EIF4EBP2: variants seen among roughly 807,000 people sequenced by gnomAD.
EIF4EBP2 encodes the protein eukaryotic translation initiation factor 4E binding protein 2, also known as eukaryotic translation initiation factor 4E-binding protein 2.
Under a neutral mutation model 10.3 loss-of-function variants are expected in EIF4EBP2, and 5 were observed. That is an observed-to-expected ratio of 0.48 (90% CI 0.25 to 1.02). The LOEUF (loss-of-function observed/expected upper bound fraction) is 1.02. Ranked by LOEUF, EIF4EBP2 falls within the 50% of genes least tolerant of loss-of-function variation. EIF4EBP2 has a pLI of 0.15. For missense variants in EIF4EBP2, 188 were observed against 162.2 expected (o/e 1.16, Z -0.86); for synonymous variants, 67 against 61.1 (o/e 1.10, Z -0.45).
rs1247415667 is a variant in EIF4EBP2 at position 70,428,483 on chromosome 10, G to C, written c.*6736G>C. On this transcript the variant is annotated 3_prime_UTR_variant, in exon 3 of 3. Transcript: ENST00000373218. ...ACCACGCAGTCCTTGAGGCAGTCCT[G>C]TGTGATTCCATGATCAGTTGTTTTT... 3.3e-5 allele frequency: 5 copies of C among 152,132 alleles called. No homozygotes were observed. In the East Asian group the frequency reaches 9.6e-4, roughly 29 times the overall value. 9.4% of individuals were successfully genotyped at this position (152,132 alleles called of 1,614,324 possible). A position where few individuals can be genotyped will look rare whatever the true frequency, so the allele number is the denominator to read the frequency against.
At chr10:70,406,221 C>T (rs757031679) in intron 1 of EIF4EBP2, among the ~76,000 whole-genome samples, 1 of 152,186 alleles carries the variant, frequency 6.6e-6, no homozygotes, top group African/African-American at 2.4e-5. Context: ...TTATTCGCCC[C>T]GTCAGCCTCC....
intron 1 of EIF4EBP2, among the ~76,000 whole-genome samples, chr10:70,409,217 T>C (rs1226278812): frequency 6.6e-6 from 1 of 152,234 alleles, no homozygotes; most frequent in Non-Finnish European, 1.5e-5. Flanking sequence ...ATTTCTCATA[T>C]TGCTGGAAGA....
In EIF4EBP2 at chr10:70,427,524, A is replaced by G. The variant is rs376780870; in HGVS notation, c.*5777A>G. 2 of 152,218 alleles carry G rather than the reference A, an allele frequency of 1.3e-5. No homozygotes were observed. Among genetic ancestry groups the G allele is most frequent in the South Asian group, 2.1e-4 (1 of 4,836 alleles). The allele number at this position is 152,218 out of a possible 1,614,324, so 9.4% of individuals were successfully genotyped here. A position where few individuals can be genotyped will look rare whatever the true frequency, so the allele number is the denominator to read the frequency against. ...CTTGTTTTTTCAGTCAGTCACTTAC[A>G]TCACCTAGCCTACTCTCTGGAATTT... is the stretch of plus-strand genomic sequence containing the variant. On this transcript the variant is annotated 3_prime_UTR_variant, in exon 3 of 3. Coordinates refer to ENST00000373218, the MANE Select transcript of EIF4EBP2 (RefSeq NM_004096.5).
intron 1 of EIF4EBP2, among the ~76,000 whole-genome samples, chr10:70,417,599 A>G (rs1350827032): frequency 6.6e-6 from 1 of 152,208 alleles, no homozygotes; most frequent in Admixed American, 6.5e-5. Flanking sequence ...CAGAATCTCC[A>G]CTACCTATAT....
intron 1 of EIF4EBP2, among the ~76,000 whole-genome samples, chr10:70,408,213 C>T (rs181344726): frequency 0.072 from 10,391 of 144,516 alleles, 161 homozygotes; most frequent in East Asian, 0.18. Flanking sequence ...GGGGCTGACC[C>T]CCCCACCTCC....
intron 1 of EIF4EBP2, among the ~76,000 whole-genome samples, chr10:70,408,890 T>C (rs1255382068): frequency 2.0e-5 from 3 of 152,324 alleles, no homozygotes; most frequent in African/African-American, 4.8e-5. Flanking sequence ...GTGATAGGCT[T>C]GTATTGGAAA....
intron 1 of EIF4EBP2, among the ~76,000 whole-genome samples, chr10:70,408,726 G>A (rs546027463): frequency 3.9e-5 from 6 of 152,158 alleles, no homozygotes; most frequent in Non-Finnish European, 8.8e-5. Context: ...CACAAAAGGG[G>A]ACAACAGACA....
chr10:70,413,665 C>A (rs939868282), intron 1 of EIF4EBP2, among the ~76,000 whole-genome samples: 1 of 149,958 alleles, frequency 6.7e-6, no homozygotes, highest in African/African-American at 2.4e-5. Flanking sequence ...CGTACTGTTC[C>A]TTAACTGTTA....
Position 70,404,295 on chromosome 10 carries a change from GGAGCGCGCA to G in EIF4EBP2, c.-98_-90del. ...CGAGGGAACGGGAGGAAGCGAGCGA[GGAGCGCGCA>G]GAGCGCGCTTTTCCGTCCGCCTGAG... On this transcript the variant is annotated 5_prime_UTR_variant, in exon 1 of 3. Coordinates refer to ENST00000373218, the MANE Select transcript of EIF4EBP2 (RefSeq NM_004096.5). The G allele has an allele frequency of 4.5e-6, 6 of 1,345,442 alleles. No individual in the cohort carries two copies. Among genetic ancestry groups the G allele is most frequent in the African/African-American group, 3.1e-5 (2 of 64,844 alleles). The allele number at this position is 1,345,442 out of a possible 1,614,324, so 83.3% of individuals were successfully genotyped here. A position where few individuals can be genotyped will look rare whatever the true frequency, so the allele number is the denominator to read the frequency against.
At chr10:70,405,429 C>G (rs1259958698) in intron 1 of EIF4EBP2, among the ~76,000 whole-genome samples, 3 of 152,160 alleles carry the variant, frequency 2.0e-5, no homozygotes, top group Non-Finnish European at 4.4e-5. Context: ...GAAGCTTGGT[C>G]ACGGGAAGAG....
In EIF4EBP2 at chr10:70,422,489, T is replaced by C. The variant is rs1233512886; in HGVS notation, c.*742T>C. On this transcript the variant is annotated 3_prime_UTR_variant, in exon 3 of 3. Coordinates refer to ENST00000373218, the MANE Select transcript of EIF4EBP2 (RefSeq NM_004096.5). ...GTGCAGATATTTTTAACTCTGTACATCAGAAGAGAGCCCTTGGTAACCAGT... is the reference window on the plus strand; with the variant it reads ...GTGCAGATATTTTTAACTCTGTACACCAGAAGAGAGCCCTTGGTAACCAGT... 2.0e-5 allele frequency: 3 copies of C among 152,178 alleles called. No homozygotes were observed. The highest frequency in any genetic ancestry group is 4.4e-5 in the Non-Finnish European group (3 of 68,044). 9.4% of individuals were successfully genotyped at this position (152,178 alleles called of 1,614,324 possible). A position where few individuals can be genotyped will look rare whatever the true frequency, so the allele number is the denominator to read the frequency against.
chr10:70,421,935 CCT>C lies in EIF4EBP2; in HGVS notation c.*189_*190del, dbSNP rs1845161557. On this transcript the variant is annotated 3_prime_UTR_variant, in exon 3 of 3. Transcript: ENST00000373218. ...GAGCTTCATCTGACCATTTCTTCTC[CCT>C]GTCTCCTGTTCCCCTTCCCAGTTAA... 8.5e-6 allele frequency: 5 copies of C among 585,670 alleles called. No homozygotes were observed. Among genetic ancestry groups the C allele is most frequent in the Admixed American group, 2.9e-5 (1 of 34,824 alleles). The allele number at this position is 585,670 out of a possible 1,614,324, so 36.3% of individuals were successfully genotyped here. A position where few individuals can be genotyped will look rare whatever the true frequency, so the allele number is the denominator to read the frequency against.
In EIF4EBP2 at chr10:70,425,116, C is replaced by G. The variant is rs1255545154; in HGVS notation, c.*3369C>G. 1 of 152,332 alleles carries G rather than the reference C, an allele frequency of 6.6e-6. No individual in the cohort carries two copies. Among genetic ancestry groups the G allele is most frequent in the South Asian group, 2.1e-4 (1 of 4,830 alleles). 9.4% of individuals were successfully genotyped at this position (152,332 alleles called of 1,614,324 possible). The stretch of plus-strand genomic sequence containing the variant: ...TGGAGAAACCACTTCCAAGTTCTCT[C>G]TTTGTGGCCGTTGGCAGGATGCCTC... On this transcript the variant is annotated 3_prime_UTR_variant, in exon 3 of 3. Transcript: ENST00000373218.
At chr10:70,406,941 A>G (rs1844970363) in intron 1 of EIF4EBP2, among the ~76,000 whole-genome samples, 1 of 152,162 alleles carries the variant, frequency 6.6e-6, no homozygotes, top group Non-Finnish European at 1.5e-5. Flanking sequence ...TCTGTAGCCT[A>G]GGCTGGAGTG....
intron 1 of EIF4EBP2, among the ~76,000 whole-genome samples, chr10:70,411,756 A>G (rs370530397): frequency 6.6e-5 from 10 of 152,084 alleles, no homozygotes; most frequent in Admixed American, 2.6e-4. Context: ...TGCCCAGCCT[A>G]TTTCTTAGTT....
At chr10:70,405,244 C>T (rs1844954661) in intron 1 of EIF4EBP2, among the ~76,000 whole-genome samples, 1 of 152,146 alleles carries the variant, frequency 6.6e-6, no homozygotes, top group African/African-American at 2.4e-5. Context: ...GCAGCGACGC[C>T]TTTGGAAATG....
chr10:70,416,436 G>A (rs1474937939), intron 1 of EIF4EBP2, among the ~76,000 whole-genome samples: 2 of 151,790 alleles, frequency 1.3e-5, no homozygotes, highest in Admixed American at 6.6e-5. Context: ...AAAATTAGCC[G>A]GGCATGGTAG....
intron 1 of EIF4EBP2, among the ~76,000 whole-genome samples, chr10:70,410,311 C>T (rs1845031368): frequency 6.6e-6 from 1 of 152,196 alleles, no homozygotes; most frequent in Non-Finnish European, 1.5e-5. Context: ...CTCAAGTGAT[C>T]CGCCCACCTC....
intron 1 of EIF4EBP2, among the ~76,000 whole-genome samples, chr10:70,406,999 G>A (rs548727825): frequency 2.6e-5 from 4 of 152,236 alleles, no homozygotes; most frequent in African/African-American, 7.2e-5. Flanking sequence ...CTGGGTTCAC[G>A]CCATTCTCCT....
Sources: gnomAD v4.1 joint callset for allele counts (sites outside exome capture counted in the v4.1 genomes callset) on GRCh38, gnomAD v4.1.1 for gene constraint, MANE v1.5 for transcripts, NCBI Gene and HGNC (gene_info 2026-07-23, HGNC 2026-07-21) for gene names.